The following NALF1 variants were observed in gnomAD, a reference collection of about 807,000 sequenced individuals.
NALF1 encodes NALCN channel auxiliary factor 1, also known as family with sequence similarity 155 member A.
A neutral mutation model predicts 48.4 loss-of-function variants in NALF1; 3 were observed. That is an observed-to-expected ratio of 0.06 (90% CI 0.03 to 0.16). NALF1 has a LOEUF of 0.16. NALF1 is among the 10% of genes least tolerant of loss of function. The probability of loss-of-function intolerance (pLI) is 1.00; values close to 1 mark genes in which losing one functional copy is unlikely to be tolerated. For missense variants in NALF1, 526 were observed against 571.5 expected (o/e 0.92, Z 0.81); for synonymous variants, 262 against 245.7 (o/e 1.07, Z -0.62).
intron 1 of NALF1, among the ~76,000 whole-genome samples, chr13:107,294,105 G>A (rs1881680965): frequency 1.3e-5 from 2 of 152,100 alleles, no homozygotes; most frequent in African/African-American, 4.8e-5. Flanking sequence ...GCTTGTATGT[G>A]CTGTCTAGCT....
chr13:107,287,706 C>CTTTTTTTTT (rs59607599), intron 1 of NALF1, among the ~76,000 whole-genome samples: 1 of 127,904 alleles, frequency 7.8e-6, no homozygotes, highest in Non-Finnish European at 1.6e-5. Flanking sequence ...TCTTTTCTTT[C>CTTTTTTTTT]TTTTTTTTTT....
At chr13:107,184,117 A>C (rs1244349108) in intron 2 of NALF1, among the ~76,000 whole-genome samples, 2 of 151,682 alleles carry the variant, frequency 1.3e-5, no homozygotes, top group African/African-American at 4.8e-5. Flanking sequence ...CCACCATGGC[A>C]CGTATATATC....
At position 107,651,919 on chromosome 13, in the gene NALF1, C is replaced by T. The variant is rs183132971; in HGVS notation, c.915+213763G>A. Among the ~76,000 whole-genome samples the T allele has an allele frequency of 1.7e-3, 253 of 152,188 alleles. 1 individual carries two copies. The highest frequency in any genetic ancestry group is 5.6e-3 in the African/African-American group (231 of 41,516). On this transcript the variant is annotated intron_variant, in intron 1 of 2. Coordinates refer to ENST00000375915, the MANE Select transcript of NALF1 (RefSeq NM_001080396.3). The stretch of plus-strand genomic sequence containing the variant: ...CCAGGACTCTAGAGACTGCTCTTTG[C>T]GAATATATCAAAGCTAATTTTAAAC...
intron 1 of NALF1, among the ~76,000 whole-genome samples, chr13:107,268,592 A>G (rs972239586): frequency 6.6e-6 from 1 of 152,216 alleles, no homozygotes; most frequent in Non-Finnish European, 1.5e-5. Context: ...CTCTCTGTAT[A>G]TTGTTACAAC....
intron 1 of NALF1, among the ~76,000 whole-genome samples, chr13:107,320,483 A>T (rs1024707876): frequency 1.3e-5 from 2 of 152,108 alleles, no homozygotes; most frequent in Non-Finnish European, 2.9e-5. Flanking sequence ...TCAACTCCTT[A>T]GTTGCAGAGA....
At chr13:107,781,103 C>T (rs1013634396) in intron 1 of NALF1, among the ~76,000 whole-genome samples, 1 of 152,062 alleles carries the variant, frequency 6.6e-6, no homozygotes, top group Non-Finnish European at 1.5e-5. Context: ...GTTGATAACA[C>T]TAAAAATTTC....
intron 1 of NALF1, among the ~76,000 whole-genome samples, chr13:107,221,415 T>G (rs925212029): frequency 6.6e-6 from 1 of 152,018 alleles, no homozygotes; most frequent in African/African-American, 2.4e-5. Flanking sequence ...CTGTCTCTAC[T>G]AAAAAATTAC....
intron 1 of NALF1, among the ~76,000 whole-genome samples, chr13:107,863,640 C>CT (rs1276881821): frequency 6.6e-6 from 1 of 152,132 alleles, no homozygotes; most frequent in Non-Finnish European, 1.5e-5. Flanking sequence ...TCATAATGTG[C>CT]TTTTTTGTGC....
intron 1 of NALF1, among the ~76,000 whole-genome samples, chr13:107,811,926 A>C: frequency 6.6e-6 from 1 of 152,228 alleles, no homozygotes; most frequent in South Asian, 2.1e-4. Context: ...TTCAAGCCAT[A>C]GCAACACCTT....
At chr13:107,822,409 T>C (rs116509964) in intron 1 of NALF1, among the ~76,000 whole-genome samples, 3,903 of 151,850 alleles carry the variant, frequency 0.026, 179 homozygotes, top group African/African-American at 0.089. Flanking sequence ...GCCTCTACAC[T>C]GTCAGCAGCA....
intron 1 of NALF1, among the ~76,000 whole-genome samples, chr13:107,472,900 C>A (rs1226026452): frequency 6.6e-6 from 1 of 152,122 alleles, no homozygotes; most frequent in East Asian, 1.9e-4. Flanking sequence ...TAGTCCTGTC[C>A]CTCTAGAGAA....
intron 1 of NALF1, among the ~76,000 whole-genome samples, chr13:107,312,380 C>T (rs1362834843): frequency 6.6e-6 from 1 of 151,150 alleles, no homozygotes; most frequent in East Asian, 1.9e-4. Context: ...AATGAGAACA[C>T]ATGGACACAG....
At chr13:107,698,008 AC>A (rs1881736116) in intron 1 of NALF1, among the ~76,000 whole-genome samples, 1 of 152,138 alleles carries the variant, frequency 6.6e-6, no homozygotes, top group East Asian at 1.9e-4. Context: ...CCATTTTTAT[AC>A]CAATGGTAGC....
intron 1 of NALF1, among the ~76,000 whole-genome samples, chr13:107,718,273 C>T (rs1875880487): frequency 1.3e-5 from 2 of 152,068 alleles, no homozygotes; most frequent in South Asian, 2.1e-4. Flanking sequence ...TATGCAGTTC[C>T]GGATAAGATT....
At chr13:107,699,857 G>C (rs1464943879) in intron 1 of NALF1, among the ~76,000 whole-genome samples, 1 of 151,942 alleles carries the variant, frequency 6.6e-6, no homozygotes, top group Non-Finnish European at 1.5e-5. Flanking sequence ...AAAAAAATCA[G>C]TAGCATTTCT....
At chr13:107,455,314 C>A (rs1000046529) in intron 1 of NALF1, among the ~76,000 whole-genome samples, 1 of 152,052 alleles carries the variant, frequency 6.6e-6, no homozygotes, top group Non-Finnish European at 1.5e-5. Context: ...ATAATCATAA[C>A]TAATATCAGA....
chr13:107,520,623 G>A (rs1450890580), intron 1 of NALF1, among the ~76,000 whole-genome samples: 2 of 152,212 alleles, frequency 1.3e-5, no homozygotes, highest in Non-Finnish European at 1.5e-5. Flanking sequence ...CATGCATGAA[G>A]TTTATTCACC....
intron 1 of NALF1, among the ~76,000 whole-genome samples, chr13:107,241,679 T>C (rs891271233): frequency 7.2e-5 from 11 of 152,224 alleles, no homozygotes; most frequent in African/African-American, 2.7e-4. Context: ...TGTACTGCAG[T>C]TGCTTAGAAA....
At chr13:107,399,677 C>T (rs933591001) in intron 1 of NALF1, among the ~76,000 whole-genome samples, 2 of 152,130 alleles carry the variant, frequency 1.3e-5, no homozygotes, top group Non-Finnish European at 2.9e-5. Flanking sequence ...ACCCCACCAA[C>T]ACCCTCAGAA....
Sources: gnomAD v4.1 joint callset for allele counts (sites outside exome capture counted in the v4.1 genomes callset) on GRCh38, gnomAD v4.1.1 for gene constraint, MANE v1.5 for transcripts, NCBI Gene and HGNC (gene_info 2026-07-23, HGNC 2026-07-21) for gene names.